The following WDR70 variants were observed in gnomAD, a reference collection of about 807,000 sequenced individuals.
WDR70 encodes the protein WD repeat-containing protein 70.
WDR70 carries 53 observed loss-of-function variants against 88.6 expected under a neutral mutation model. That is an observed-to-expected ratio of 0.60 (90% CI 0.48 to 0.75). The LOEUF is 0.75. Among genes scored for constraint, WDR70 ranks in the 30% least tolerant of loss-of-function variants. The pLI, the probability that WDR70 is intolerant of heterozygous loss-of-function variation, is 0.00. For missense variants in WDR70, 610 were observed against 823.2 expected (o/e 0.74, Z 3.17); for synonymous variants, 280 against 270.0 (o/e 1.04, Z -0.36).
At chr5:37,501,860 T>C (rs1740414059) in intron 8 of WDR70, among the ~76,000 whole-genome samples, 1 of 152,154 alleles carries the variant, frequency 6.6e-6, no homozygotes, top group Admixed American at 6.5e-5. Flanking sequence ...TCAATATAAT[T>C]TGGAGTTAGG....
intron 9 of WDR70, among the ~76,000 whole-genome samples, chr5:37,572,837 C>T (rs1013650231): frequency 2.6e-5 from 4 of 152,198 alleles, no homozygotes; most frequent in African/African-American, 9.7e-5. Context: ...AACTCCCCAA[C>T]TTAAAACCTC....
chr5:37,481,591 C>T (rs1030170927), intron 8 of WDR70, among the ~76,000 whole-genome samples: 1 of 152,082 alleles, frequency 6.6e-6, no homozygotes, highest in South Asian at 2.1e-4. Context: ...GCAGGGGGTT[C>T]TGGACCCACA....
chr5:37,405,653 C>G (rs1749330806), intron 5 of WDR70, among the ~76,000 whole-genome samples: 1 of 151,728 alleles, frequency 6.6e-6, no homozygotes, highest in Non-Finnish European at 1.5e-5. Flanking sequence ...AAATCTAGAA[C>G]AGATTAAAAA....
At chr5:37,715,323 GAGA>G (rs1747623202) in intron 13 of WDR70, among the ~76,000 whole-genome samples, 1 of 125,186 alleles carries the variant, frequency 8.0e-6, no homozygotes, top group South Asian at 2.9e-4. Context: ...GGAGAAGATT[GAGA>G]AGATTTCTGG....
chr5:37,719,289 G>T (rs1263363761), intron 13 of WDR70, among the ~76,000 whole-genome samples: 1 of 151,608 alleles, frequency 6.6e-6, no homozygotes, highest in Non-Finnish European at 1.5e-5. Context: ...GAGAAAATGT[G>T]ACTTTTATAT....
chr5:37,692,447 G>C (rs574314273), intron 10 of WDR70, among the ~76,000 whole-genome samples: 1 of 152,096 alleles, frequency 6.6e-6, no homozygotes, highest in Non-Finnish European at 1.5e-5. Context: ...CCTGATGAAC[G>C]TTGATGCAAA....
At chr5:37,677,403 T>A (rs1425217644) in intron 10 of WDR70, among the ~76,000 whole-genome samples, 1 of 152,254 alleles carries the variant, frequency 6.6e-6, no homozygotes, top group Non-Finnish European at 1.5e-5. Context: ...CATACTGCTT[T>A]GAATGTGTCC....
In WDR70 at chr5:37,697,735, T is replaced by G; in HGVS notation, c.1173T>G (p.Asn391Lys). 6.2e-7 allele frequency: 1 copy of G among 1,613,688 alleles called. No individual in the cohort carries two copies. Among genetic ancestry groups the G allele is most frequent in the South Asian group, 1.1e-5 (1 of 91,066 alleles). ...GCGTGACTTTTTCCTATGATGGTAA[T>G]GTCCTTGCCTCTCGTGGAGGTAGGT... ...TSCVTFSYDGNVLASRGGDDS... is the reference protein window; with the variant it reads ...TSCVTFSYDGKVLASRGGDDS... The change falls in exon 11 of 18, where the codon AAT becomes AAG. Residue 391 changes from asparagine (N) to lysine (K), a missense_variant. Physicochemically the swap from Asn to Lys is moderately conservative, Grantham distance 94. Coordinates refer to ENST00000265107, the MANE Select transcript of WDR70 (RefSeq NM_018034.4).
At chr5:37,488,162 A>G (rs973183897) in intron 8 of WDR70, among the ~76,000 whole-genome samples, 1 of 137,226 alleles carries the variant, frequency 7.3e-6, no homozygotes, top group Non-Finnish European at 1.5e-5. Flanking sequence ...TGAGGAATCC[A>G]CTGTTAAGTC....
chr5:37,627,033 C>T (rs561435046), intron 10 of WDR70, among the ~76,000 whole-genome samples: 13 of 151,694 alleles, frequency 8.6e-5, no homozygotes, highest in South Asian at 6.3e-4. Context: ...GTTTCACTAA[C>T]GTTTTGTTGA....
intron 10 of WDR70, among the ~76,000 whole-genome samples, chr5:37,674,379 C>A (rs114852546): frequency 6.6e-6 from 1 of 151,948 alleles, no homozygotes; most frequent in Non-Finnish European, 1.5e-5. Flanking sequence ...GCTATTCCCC[C>A]GCCTTCCCCA....
At chr5:37,567,839 G>A (rs932468253) in intron 9 of WDR70, among the ~76,000 whole-genome samples, 17 of 152,156 alleles carry the variant, frequency 1.1e-4, no homozygotes, top group African/African-American at 3.6e-4. Flanking sequence ...AGGAGAGGTC[G>A]TTGTCAGGAG....
At chr5:37,578,694 A>G (rs1743127330) in intron 9 of WDR70, among the ~76,000 whole-genome samples, 1 of 152,252 alleles carries the variant, frequency 6.6e-6, no homozygotes, top group Non-Finnish European at 1.5e-5. Context: ...TGTAAGGCAC[A>G]ACTAATTAGA....
chr5:37,695,597 T>C (rs887402175), intron 10 of WDR70, among the ~76,000 whole-genome samples: 4 of 152,210 alleles, frequency 2.6e-5, no homozygotes, highest in Admixed American at 2.0e-4. Flanking sequence ...CCTTGACATG[T>C]GGCCCCCTTC....
chr5:37,415,425 T>A (rs1209524715), intron 5 of WDR70, among the ~76,000 whole-genome samples: 1 of 78,786 alleles, frequency 1.3e-5, no homozygotes, highest in Non-Finnish European at 3.2e-5. Flanking sequence ...CCCCCCCACC[T>A]CCCTCCCGGA....
At chr5:37,401,556 A>G (rs563754139) in intron 5 of WDR70, among the ~76,000 whole-genome samples, 147 of 152,080 alleles carry the variant, frequency 9.7e-4, no homozygotes, top group African/African-American at 3.5e-3. Context: ...ACCTCAGGTA[A>G]TCCACCTACC....
chr5:37,646,643 A>G (rs1745247465), intron 10 of WDR70, among the ~76,000 whole-genome samples: 1 of 152,108 alleles, frequency 6.6e-6, no homozygotes, highest in African/African-American at 2.4e-5. Context: ...ATACTATTCT[A>G]GGGTAAAAGT....
intron 10 of WDR70, among the ~76,000 whole-genome samples, chr5:37,683,754 C>G (rs978530061): frequency 1.3e-5 from 2 of 152,094 alleles, no homozygotes; most frequent in African/African-American, 4.8e-5. Flanking sequence ...CCTGATTTTT[C>G]TCTCTAGCTG....
intron 10 of WDR70, among the ~76,000 whole-genome samples, chr5:37,639,664 A>G (rs937939601): frequency 2.1e-4 from 32 of 152,206 alleles, no homozygotes; most frequent in Admixed American, 2.1e-3. Flanking sequence ...CTTGAGGGCA[A>G]TGACTCTTTT....
Sources: allele counts gnomAD v4.1 joint callset (sites outside exome capture counted in the v4.1 genomes callset), GRCh38; gene constraint gnomAD v4.1.1; transcripts MANE v1.5; gene names NCBI Gene and HGNC (gene_info 2026-07-23, HGNC 2026-07-21).